Variants in ERC2 observed in about 807,000 individuals in gnomAD.
ERC2 encodes the protein ERC protein 2.
ERC2 carries 42 observed loss-of-function variants against 114.8 expected under a neutral mutation model. The ratio of observed to expected loss-of-function variants is 0.37; its 90% CI spans 0.29 to 0.47. ERC2 has a LOEUF of 0.47. Ranked by LOEUF, ERC2 falls within the 20% of genes least tolerant of loss-of-function variation. The probability of loss-of-function intolerance (pLI) is 0.99; values close to 1 mark genes in which losing one functional copy is unlikely to be tolerated. For synonymous variants in ERC2, 454 were observed against 425.5 expected (o/e 1.07, Z -0.82); for missense variants, 939 against 1,150.7 (o/e 0.82, Z 2.66).
intron 15 of ERC2, among the ~76,000 whole-genome samples, chr3:55,732,091 T>G (rs1042778594): frequency 6.6e-6 from 1 of 152,046 alleles, no homozygotes; most frequent in African/African-American, 2.4e-5. Flanking sequence ...TTGGACTGGT[T>G]ATTCCACACC....
intron 14 of ERC2, among the ~76,000 whole-genome samples, chr3:55,776,106 T>C (rs1575567503): frequency 1.4e-5 from 1 of 73,594 alleles, no homozygotes; most frequent in Non-Finnish European, 2.5e-5. Context: ...CAACACATAC[T>C]TTTTTTTTTC....
At chr3:55,752,137 T>C (rs922982392) in intron 14 of ERC2, among the ~76,000 whole-genome samples, 1 of 152,168 alleles carries the variant, frequency 6.6e-6, no homozygotes, top group Admixed American at 6.5e-5. Flanking sequence ...AGAAAATCTG[T>C]TAGCCCCACC....
At chr3:56,189,228 G>T (rs1160229992) in intron 3 of ERC2, among the ~76,000 whole-genome samples, 1 of 152,146 alleles carries the variant, frequency 6.6e-6, no homozygotes, top group South Asian at 2.1e-4. Context: ...TTCATAAGAC[G>T]GTTCTCCAAG....
Position 55,549,476 on chromosome 3 carries a change from C to CA in ERC2, c.*40-38201_*40-38200insT, listed in dbSNP as rs1344276171. ...CAGATGCGGAGCAAATGCCGCCTTA[C>CA]CTTTTTTTTTTTTTTTTTTTTCCTG... On this transcript the variant is annotated intron_variant, in intron 17 of 17. Coordinates refer to ENST00000288221, the MANE Select transcript of ERC2 (RefSeq NM_015576.3). Among the ~76,000 whole-genome samples the CA allele has an allele frequency of 2.8e-5, 3 of 107,642 alleles. No individual in the cohort carries two copies. The East Asian group carries it at 9.3e-4, about 33-fold the overall frequency. 70.6% of individuals were successfully genotyped at this position (107,642 alleles called of 152,430 possible).
intron 14 of ERC2, among the ~76,000 whole-genome samples, chr3:55,795,113 T>A (rs1335122402): frequency 6.6e-6 from 1 of 152,112 alleles, no homozygotes; most frequent in East Asian, 1.9e-4. Context: ...TTTTTTTAAA[T>A]CCTAAAAAAA....
chr3:56,353,989 GA>G (rs2058651097), intron 2 of ERC2, among the ~76,000 whole-genome samples: 1 of 152,046 alleles, frequency 6.6e-6, no homozygotes, highest in African/African-American at 2.4e-5. Flanking sequence ...GAGAGGCTAA[GA>G]CACTCACCCA....
At chr3:56,003,624 C>T (rs1388917100) in intron 10 of ERC2, among the ~76,000 whole-genome samples, 1 of 152,072 alleles carries the variant, frequency 6.6e-6, no homozygotes. Flanking sequence ...AAATACAGAT[C>T]AGCAAACAGC....
chr3:56,079,217 A>T (rs183116835), intron 7 of ERC2, among the ~76,000 whole-genome samples: 20 of 152,266 alleles, frequency 1.3e-4, no homozygotes, highest in Admixed American at 1.2e-3. Context: ...TTTTCATTTC[A>T]CCATATAATC....
intron 7 of ERC2, among the ~76,000 whole-genome samples, chr3:56,032,909 A>AGAGAG (rs1560056192): frequency 1.2e-4 from 7 of 56,924 alleles, no homozygotes; most frequent in East Asian, 4.1e-4. Context: ...GACAGAAAGA[A>AGAGAG]AGAAAGAAAG....
intron 14 of ERC2, among the ~76,000 whole-genome samples, chr3:55,830,361 T>A (rs542676795): frequency 5.3e-5 from 8 of 152,144 alleles, no homozygotes; most frequent in Non-Finnish European, 8.8e-5. Flanking sequence ...AATGCAGAAA[T>A]TCAGAAACGA....
intron 3 of ERC2, among the ~76,000 whole-genome samples, chr3:56,284,908 G>T (rs1576267041): frequency 6.6e-6 from 1 of 151,664 alleles, no homozygotes; most frequent in African/African-American, 2.4e-5. Flanking sequence ...TGCAGTTGGG[G>T]TGGGGGAGTT....
intron 2 of ERC2, among the ~76,000 whole-genome samples, chr3:56,412,390 T>C (rs553431765): frequency 2.0e-5 from 3 of 152,364 alleles, no homozygotes; most frequent in African/African-American, 7.2e-5. Context: ...ATGAAACTAA[T>C]ATAATGAGTC....
intron 17 of ERC2, among the ~76,000 whole-genome samples, chr3:55,610,253 T>C (rs1268604955): frequency 6.6e-6 from 1 of 151,852 alleles, no homozygotes; most frequent in East Asian, 1.9e-4. Context: ...TCCGTGGACA[T>C]TGACAAATAA....
chr3:56,033,032 GAA>G, intron 7 of ERC2, among the ~76,000 whole-genome samples: 1 of 61,730 alleles, frequency 1.6e-5, no homozygotes, highest in Admixed American at 1.7e-4. Context: ...AAAAGAAACA[GAA>G]AGAAAGAAAG....
At chr3:55,827,589 A>G (rs1473831786) in intron 14 of ERC2, among the ~76,000 whole-genome samples, 1 of 152,344 alleles carries the variant, frequency 6.6e-6, no homozygotes, top group Non-Finnish European at 1.5e-5. Flanking sequence ...TAATCACTAC[A>G]CAAATTTAAT....
chr3:56,454,598 A>C (rs973692733), intron 1 of ERC2, among the ~76,000 whole-genome samples: 1 of 152,166 alleles, frequency 6.6e-6, no homozygotes, highest in African/African-American at 2.4e-5. Context: ...TCATCCTTAA[A>C]AAAGAAATGA....
chr3:55,544,346 C>T (rs1288718729), intron 17 of ERC2, among the ~76,000 whole-genome samples: 1 of 152,132 alleles, frequency 6.6e-6, no homozygotes, highest in Non-Finnish European at 1.5e-5. Context: ...TTTATTAGGC[C>T]TCAACGACAG....
At position 56,398,061 on chromosome 3, in the gene ERC2, C is replaced by A. The variant is rs1427668117; in HGVS notation, c.657+36290G>T. Among the ~76,000 whole-genome samples, 3 of 152,188 alleles carry A rather than the reference C, an allele frequency of 2.0e-5. No homozygotes were observed. The East Asian group carries it at 5.8e-4, about 29-fold the overall frequency. On this transcript the variant is annotated intron_variant, in intron 2 of 17. Transcript: ENST00000288221. ...CACAAAGAAGGCTGGGAAATGTAGT[C>A]TTTACTCCAGACAGCTATGTGCCCA...
In ERC2 at chr3:55,523,159, C is replaced by T. The variant is rs542384580; in HGVS notation, c.*40-11883G>A. ...CCTGAGGCATAATGCCAGTGGGTTC[C>T]GGGGGCACCCTTGAAGCCACTGCCA... On this transcript the variant is annotated intron_variant, in intron 17 of 17. Transcript: ENST00000288221. 1.6e-4 allele frequency among the ~76,000 whole-genome samples: 24 copies of T among 152,254 alleles called. No individual in the cohort carries two copies. In the South Asian group the frequency reaches 2.7e-3, roughly 17 times the overall value.
Sources: gnomAD v4.1 joint callset for allele counts (sites outside exome capture counted in the v4.1 genomes callset) on GRCh38, gnomAD v4.1.1 for gene constraint, MANE v1.5 for transcripts, NCBI Gene and HGNC (gene_info 2026-07-23, HGNC 2026-07-21) for gene names.